PLK2: variants seen among roughly 807,000 people sequenced by gnomAD.
The protein encoded by PLK2 is serine/threonine-protein kinase PLK2.
PLK2 carries 25 observed loss-of-function variants against 78.1 expected under a neutral mutation model. The observed-to-expected ratio is 0.32, with a 90% CI of 0.23 to 0.45. The LOEUF is 0.45. Ranked by LOEUF, PLK2 falls within the 20% of genes least tolerant of loss-of-function variation. The pLI is 1.00. For missense variants in PLK2, 566 were observed against 840.2 expected, an observed-to-expected ratio of 0.67 and a Z score of 4.04; for synonymous variants, 332 against 298.2, an observed-to-expected ratio of 1.11 and a Z score of -1.17.
intron 5 of PLK2, 110 bp downstream of exon 5, chr5:58,457,974 C>T: frequency 1.3e-6 from 1 of 766,698 alleles, no homozygotes. Flanking sequence ...ATTAACATTG[C>T]TATGATTTAT....
rs1183564779 is a variant in PLK2 at position 58,454,386 on chromosome 5, A to C, written c.*197T>G. 2.3e-6 allele frequency: 1 copy of C among 437,304 alleles called. No homozygotes were observed. The highest frequency in any genetic ancestry group is 2.0e-5 in the African/African-American group (1 of 50,156). The allele number at this position is 437,304 out of a possible 1,614,324, so 27.1% of individuals were successfully genotyped here. ...CTCAAGGAAAACTGCATTCTGGTTC[A>C]CTCTTGGATTGTCCAAAGTCAAGAA... On this transcript the variant is annotated 3_prime_UTR_variant, in exon 14 of 14. Transcript: ENST00000274289.
chr5:58,457,675 A>C, intron 5 of PLK2, 92 bp from the exon 6 acceptor site: 1 of 738,332 alleles, frequency 1.4e-6, no homozygotes. Context: ...ACAAAATCTT[A>C]AACAAAATCT....
intron 3 of PLK2, 66 bp from the exon 4 acceptor site, chr5:58,458,594 T>C (rs1743671673): frequency 3.3e-6 from 5 of 1,496,212 alleles, no homozygotes; most frequent in Admixed American, 1.8e-5. Flanking sequence ...GGTTTCCCTT[T>C]GCAGGATGAG....
Position 58,456,933 on chromosome 5 carries a change from T to C in PLK2, c.1156+12A>G. On this transcript the variant is annotated intron_variant, in intron 8 of 13. Coordinates refer to ENST00000274289, the MANE Select transcript of PLK2 (RefSeq NM_006622.4). ...TGGGTACGAAAAAGGAAAAGAAGTC[T>C]TGTTAACTTACTATGTGTGTCAATA... 1 of 1,545,502 alleles carries C rather than the reference T, an allele frequency of 6.5e-7. No individual in the cohort carries two copies. Among genetic ancestry groups the C allele is most frequent in the African/African-American group, 1.4e-5 (1 of 72,412 alleles).
chr5:58,455,342 A>G lies in PLK2; in HGVS notation c.1698T>C (p.Ile566=). 1 of 1,614,034 alleles carries G rather than the reference A, an allele frequency of 6.2e-7. No homozygotes were observed. The highest frequency in any genetic ancestry group is 8.5e-7 in the Non-Finnish European group (1 of 1,179,878). ...AGTATTTCAGCACCGTCACTTGACT[A>G]ATAAATTGCTCAGGAGCATCTGTTG... ...FPATDAPEQF[I]SQVTVLKYFS... is the part of the protein sequence containing the mutation. The change falls in exon 12 of 14, where the codon ATT becomes ATC. Residue 566 remains isoleucine (I), a synonymous_variant. Transcript: ENST00000274289.
chr5:58,456,011 T>C lies in PLK2; in HGVS notation c.1384+15A>G, dbSNP rs369695822. The C allele has an allele frequency of 6.0e-5, 97 of 1,604,534 alleles. No individual in the cohort carries two copies. Among genetic ancestry groups the C allele is most frequent in the Admixed American group, 5.2e-5 (3 of 57,390 alleles). On this transcript the variant is annotated intron_variant, in intron 10 of 13. Transcript: ENST00000274289. ...TCGAGTTTCATTATTTAAAATACGA[T>C]TGACAACCACTTACATTCACTGCTG...
At position 58,458,861 on chromosome 5, in the gene PLK2, AAGGC is replaced by A; in HGVS notation, c.379-24_379-21del. The A allele has an allele frequency of 6.8e-7, 1 of 1,470,290 alleles. No individual in the cohort carries two copies. The highest frequency in any genetic ancestry group is 9.5e-7 in the Non-Finnish European group (1 of 1,049,942). The allele number at this position is 1,470,290 out of a possible 1,614,324, so 91.1% of individuals were successfully genotyped here. On this transcript the variant is annotated intron_variant, in intron 2 of 13. Coordinates refer to ENST00000274289, the MANE Select transcript of PLK2 (RefSeq NM_006622.4). ...GTCAATCTAAATGAAAAAGCAAGGTAAGGCTTATTAGCTTCCAGTCACCTCGGAA... is the reference window on the plus strand; with the variant it reads ...GTCAATCTAAATGAAAAAGCAAGGTATTATTAGCTTCCAGTCACCTCGGAA...
At position 58,454,854 on chromosome 5, in the gene PLK2, G is replaced by C. The variant is rs1305239894; in HGVS notation, c.1866+57C>G. ...GTTCAGTCAATCACTAAACTGTCTA[G>C]GTACAAATCTTTCTGTTTAGGACCT... is the stretch of plus-strand genomic sequence containing the variant. On this transcript the variant is annotated intron_variant, in intron 13 of 13. Transcript: ENST00000274289. 11 of 1,460,308 alleles carry C rather than the reference G, an allele frequency of 7.5e-6. No homozygotes were observed. The East Asian group carries it at 1.4e-4, about 18-fold the overall frequency. The allele number at this position is 1,460,308 out of a possible 1,614,324, so 90.5% of individuals were successfully genotyped here.
rs533259497 is a variant in PLK2 at position 58,459,723 on chromosome 5, C to G, written c.237G>C (p.Gly79=). ...GCACTTTGCCCCGGCAGTAGCGCTTCCCAGTCGTGGGGTCGACGATAATCC... is the reference window on the plus strand; with the variant it reads ...GCACTTTGCCCCGGCAGTAGCGCTTGCCAGTCGTGGGGTCGACGATAATCC... The part of the protein sequence containing the change: ...ISRIIVDPTT[G]KRYCRGKVLG... The change falls in exon 1 of 14, where the codon GGG becomes GGC. Residue 79 remains glycine (G), a synonymous_variant. Transcript: ENST00000274289. The G allele has an allele frequency of 2.1e-5, 33 of 1,601,824 alleles. No individual in the cohort carries two copies. Among genetic ancestry groups the G allele is most frequent in the Non-Finnish European group, 2.8e-5 (33 of 1,175,296 alleles).
Position 58,459,690 on chromosome 5 carries a change from C to T in PLK2, c.270G>A (p.Lys90=). Residue 90 remains lysine, a splice_region_variant and synonymous_variant, in exon 1 of 14, where the codon AAG becomes AAA. Coordinates refer to ENST00000274289, the MANE Select transcript of PLK2 (RefSeq NM_006622.4). ...KRYCRGKVLG[K]GGFAKCYEMT... is the part of the protein sequence containing the mutation. ...CAGCCCGGCGCCCTCCGCTTGTCAC[C>T]TTTCCCAGCACTTTGCCCCGGCAGT... is the stretch of plus-strand genomic sequence containing the variant. 6.4e-7 allele frequency: 1 copy of T among 1,571,852 alleles called. No homozygotes were observed. Among genetic ancestry groups the T allele is most frequent in the Non-Finnish European group, 8.6e-7 (1 of 1,157,470 alleles).
In PLK2 at chr5:58,460,054, C is replaced by G. The variant is rs544762144; in HGVS notation, c.-95G>C. 7.2e-7 allele frequency: 1 copy of G among 1,389,222 alleles called. No homozygotes were observed. The highest frequency in any genetic ancestry group is 9.7e-7 in the Non-Finnish European group (1 of 1,031,114). 86.1% of individuals were successfully genotyped at this position (1,389,222 alleles called of 1,614,324 possible). On this transcript the variant is annotated 5_prime_UTR_variant, in exon 1 of 14. Transcript: ENST00000274289. ...GTCCTCGCACCCTTGCCTCTGGTGC[C>G]GACTAGCACCCAACACCCCGGTCCA...
intron 5 of PLK2, 52 bp from the exon 6 acceptor site, chr5:58,457,635 C>A: frequency 9.9e-7 from 1 of 1,005,282 alleles, no homozygotes; most frequent in Non-Finnish European, 1.6e-6. Flanking sequence ...ACTACTTAAA[C>A]TTGGTTCTCT....
At position 58,458,540 on chromosome 5, in the gene PLK2, A is replaced by T. The variant is rs1319210663; in HGVS notation, c.496-12T>A. 4 of 1,601,104 alleles carry T rather than the reference A, an allele frequency of 2.5e-6. No homozygotes were observed. Among genetic ancestry groups the T allele is most frequent in the Non-Finnish European group, 1.7e-6 (2 of 1,174,568 alleles). On this transcript the variant is annotated splice_polypyrimidine_tract_variant and intron_variant, in intron 3 of 13. Transcript: ENST00000274289. ...ATATGAGCCATTGACTAAGAAGAGG[A>T]GAAGGAAAAAAGAGAATCTGTCAAA... is the stretch of plus-strand genomic sequence containing the variant.
At position 58,459,976 on chromosome 5, in the gene PLK2, C is replaced by T. The variant is rs369675466; in HGVS notation, c.-17G>A. 56 of 1,570,432 alleles carry T rather than the reference C, an allele frequency of 3.6e-5. No individual in the cohort carries two copies. In the African/African-American group the frequency reaches 6.7e-4, roughly 19 times the overall value. ...AAGCTCCATGGTCGCCTTGCCGCCCCGCACTGCCCGCTGCCACCCCCTAGG... is the reference window on the plus strand; with the variant it reads ...AAGCTCCATGGTCGCCTTGCCGCCCTGCACTGCCCGCTGCCACCCCCTAGG... On this transcript the variant is annotated 5_prime_UTR_variant, in exon 1 of 14. Transcript: ENST00000274289.
Position 58,459,781 on chromosome 5 carries a change from T to C in PLK2, c.179A>G (p.His60Arg). Reference protein sequence around the residue: ...QVPPAAPHHHHHHSHSGPEIS... With the variant: ...QVPPAAPHHHRHHSHSGPEIS... The stretch of plus-strand genomic sequence containing the variant: ...CTCCGGCCCCGAGTGCGAATGGTGG[T>C]GATGGTGGTGAGGGGCCGCCGGGGG... Residue 60 changes from histidine to arginine, a missense_variant, in exon 1 of 14, where the codon CAC becomes CGC. His to Arg is a conservative substitution (Grantham distance 29, BLOSUM62 0). Transcript: ENST00000274289. The C allele has an allele frequency of 6.2e-7, 1 of 1,607,606 alleles. No homozygotes were observed. Among genetic ancestry groups the C allele is most frequent in the African/African-American group, 1.3e-5 (1 of 74,950 alleles).
Position 58,458,818 on chromosome 5 carries a change from G to C in PLK2, c.402C>G (p.His134Gln). ...REKIDKEIELHRILHHKHVVQ... is the reference protein window; with the variant it reads ...REKIDKEIELQRILHHKHVVQ... ...CTACATGCTTATGATGAAGAATTCT[G>C]TGAAGCTCTATTTCTTTGTCAATCT... The change falls in exon 3 of 14, where the codon CAC becomes CAG. Residue 134 changes from histidine to glutamine, a missense_variant. Transcript: ENST00000274289. 1 of 1,599,792 alleles carries C rather than the reference G, an allele frequency of 6.3e-7. No individual in the cohort carries two copies. Among genetic ancestry groups the C allele is most frequent in the Non-Finnish European group, 8.6e-7 (1 of 1,167,144 alleles).
intron 12 of PLK2, 44 bp downstream of exon 12, chr5:58,455,241 G>A (rs777878051): frequency 1.2e-6 from 2 of 1,604,174 alleles, no homozygotes; most frequent in South Asian, 1.1e-5. Context: ...ACTGCTTTGT[G>A]GCCTACACTT....
At position 58,459,844 on chromosome 5, in the gene PLK2, G is replaced by C; in HGVS notation, c.116C>G (p.Pro39Arg). 1.2e-6 allele frequency: 2 copies of C among 1,610,672 alleles called. No homozygotes were observed. Among genetic ancestry groups the C allele is most frequent in the South Asian group, 1.1e-5 (1 of 91,050 alleles). The change falls in exon 1 of 14, where the codon CCC becomes CGC. Residue 39 changes from proline (P) to arginine (R), a missense_variant. Physicochemically the swap from Pro to Arg is moderately radical, Grantham distance 103. This residue lies in a region of PLK2 where 127 missense variants were observed against 122.5 expected (regional missense o/e 1.04). Coordinates refer to ENST00000274289, the MANE Select transcript of PLK2 (RefSeq NM_006622.4). ...GGACTGAGGTGGCTGCGATTCCTCG[G>C]GGGGCTGCGGCGGCCGCTTCTTCTT... Reference protein sequence around the residue: ...DSKKKRPPQPPEESQPPQSQA... With the variant: ...DSKKKRPPQPREESQPPQSQA...
In PLK2 at chr5:58,455,393, C is replaced by T. The variant is rs766270875; in HGVS notation, c.1647G>A (p.Glu549=). The part of the protein sequence containing the change: ...PDKKTVHYYA[E]LGQCSVFPAT... ...CTGGGAAAACTGAGCATTGGCCAAG[C>T]TCTGCGTAATAGTGAACTGTTCTAT... Residue 549 remains glutamate, a synonymous_variant, in exon 12 of 14, where the codon GAG becomes GAA. Coordinates refer to ENST00000274289, the MANE Select transcript of PLK2 (RefSeq NM_006622.4). The T allele has an allele frequency of 1.9e-6, 3 of 1,614,006 alleles. No homozygotes were observed. The highest frequency in any genetic ancestry group is 1.7e-6 in the Non-Finnish European group (2 of 1,179,984).
Sources: gnomAD v4.1 joint callset for allele counts on GRCh38, gnomAD v4.1.1 for gene constraint, gnomAD v4.1.1 regional missense constraint, MANE v1.5 for transcripts, NCBI Gene and HGNC (gene_info 2026-07-23, HGNC 2026-07-21) for gene names.